The following LARGE1 variants were observed in gnomAD, a reference collection of about 807,000 sequenced individuals.
LARGE1 encodes the protein xylosyl- and glucuronyltransferase LARGE1.
In LARGE1, 43 loss-of-function variants were observed where a neutral mutation model predicts 87.6. That is an observed-to-expected ratio of 0.49 (90% CI 0.38 to 0.63). The LOEUF (loss-of-function observed/expected upper bound fraction) is 0.63, where lower values mean the gene tolerates loss of function less well. Ranked by LOEUF, LARGE1 falls within the 30% of genes least tolerant of loss-of-function variation. LARGE1 has a pLI of 0.00. For missense variants in LARGE1, 802 were observed against 1,000.2 expected, an observed-to-expected ratio of 0.80 and a Z score of 2.67; for synonymous variants, 434 against 394.6, an observed-to-expected ratio of 1.10 and a Z score of -1.18.
chr22:33,189,929 C>T lies in LARGE1; in HGVS notation c.1731-23097G>A, dbSNP rs148486788. 4.1e-4 allele frequency among the ~76,000 whole-genome samples: 63 copies of T among 152,270 alleles called. No individual in the cohort carries two copies. The East Asian group carries it at 9.1e-3, about 22-fold the overall frequency. ...CTTGCTGCATCTAAGCTTTTGATAC[C>T]AGAATTCACAAGAAGTTGTCCAAAG... On this transcript the variant is annotated intron_variant, in intron 11 of 11. Transcript: ENST00000608642.
At chr22:33,644,982 C>T (rs2080561659) in intron 3 of LARGE1, among the ~76,000 whole-genome samples, 1 of 152,148 alleles carries the variant, frequency 6.6e-6, no homozygotes, top group Admixed American at 6.5e-5. Flanking sequence ...GCCATACTGC[C>T]CGAAGTAATT....
At chr22:33,203,949 AC>A (rs200553492) in intron 11 of LARGE1, among the ~76,000 whole-genome samples, 12 of 152,020 alleles carry the variant, frequency 7.9e-5, no homozygotes, top group East Asian at 5.8e-4. Context: ...TCTCCCATGA[AC>A]CCTGGAGGCC....
intron 1 of LARGE1, among the ~76,000 whole-genome samples, chr22:33,800,875 A>G (rs1273967082): frequency 2.6e-5 from 4 of 152,170 alleles, no homozygotes; most frequent in Non-Finnish European, 5.9e-5. Flanking sequence ...TATTTCTATA[A>G]ACACAAGTTT....
chr22:33,904,492 G>T (rs2065378415), intron 1 of LARGE1, among the ~76,000 whole-genome samples: 1 of 152,122 alleles, frequency 6.6e-6, no homozygotes, highest in South Asian at 2.1e-4. Context: ...GGAAAAAGAT[G>T]CTTTCCCTCA....
At chr22:33,890,266 C>T (rs1195260080) in intron 1 of LARGE1, among the ~76,000 whole-genome samples, 1 of 152,200 alleles carries the variant, frequency 6.6e-6, no homozygotes, top group Non-Finnish European at 1.5e-5. Flanking sequence ...GCCTCAGATG[C>T]AAGGCGGGGC....
At chr22:33,751,621 A>G (rs1471300145) in intron 2 of LARGE1, among the ~76,000 whole-genome samples, 3 of 152,144 alleles carry the variant, frequency 2.0e-5, no homozygotes, top group Non-Finnish European at 4.4e-5. Context: ...AATTGGTAAG[A>G]GCCTACATTA....
chr22:33,628,418 G>A lies in LARGE1; in HGVS notation c.409-2092C>T, dbSNP rs2079998173. The stretch of plus-strand genomic sequence containing the variant: ...TGCAACCTCTGCCCCCCAGGTTCAA[G>A]TGATTCTCCTGCCTCAGCCTTCTGA... On this transcript the variant is annotated intron_variant, in intron 3 of 14. Coordinates refer to ENST00000397394, the MANE Select transcript of LARGE1 (RefSeq NM_133642.5). Among the ~76,000 whole-genome samples the A allele has an allele frequency of 2.6e-5, 4 of 151,424 alleles. No homozygotes were observed. The South Asian group carries it at 8.4e-4, about 32-fold the overall frequency.
intron 1 of LARGE1, among the ~76,000 whole-genome samples, chr22:33,803,505 G>A (rs1432898294): frequency 1.3e-5 from 2 of 152,180 alleles, no homozygotes; most frequent in Non-Finnish European, 2.9e-5. Flanking sequence ...CAGAGGAGGT[G>A]AGGTTCAACA....
chr22:33,352,354 A>G (rs181765137), intron 9 of LARGE1, among the ~76,000 whole-genome samples: 1 of 152,372 alleles, frequency 6.6e-6, no homozygotes, highest in African/African-American at 2.4e-5. Context: ...GACTAAGGAA[A>G]TAAAGCTTAA....
chr22:33,643,329 A>G (rs2080503549), intron 3 of LARGE1, among the ~76,000 whole-genome samples: 1 of 152,228 alleles, frequency 6.6e-6, no homozygotes, highest in Admixed American at 6.5e-5. Flanking sequence ...GCAGAAATAA[A>G]TAAGTTCTCT....
intron 1 of LARGE1, among the ~76,000 whole-genome samples, chr22:33,816,983 C>T (rs1351933449): frequency 1.3e-5 from 2 of 152,146 alleles, no homozygotes; most frequent in African/African-American, 2.4e-5. Context: ...AGCTAAGACC[C>T]TGGGAAGTCG....
chr22:33,137,531 A>C, the LARGE1 span, among the ~76,000 whole-genome samples: 1 of 152,220 alleles, frequency 6.6e-6, no homozygotes, highest in African/African-American at 2.4e-5. Flanking sequence ...TGGCTGCAGA[A>C]ATTTGCATAT....
intron 3 of LARGE1, among the ~76,000 whole-genome samples, chr22:33,626,804 T>C (rs2079935455): frequency 6.6e-6 from 1 of 152,118 alleles, no homozygotes; most frequent in African/African-American, 2.4e-5. Flanking sequence ...CAGGAACACC[T>C]CCGCACCCCA....
chr22:33,404,579 GGCTGTCCT>G (rs995406878), intron 7 of LARGE1, among the ~76,000 whole-genome samples: 3 of 152,190 alleles, frequency 2.0e-5, no homozygotes, highest in African/African-American at 7.2e-5. Flanking sequence ...CAAACCCACA[GGCTGTCCT>G]GCTCACAAGG....
Position 33,440,407 on chromosome 22 carries a change from G to C in LARGE1, c.788-8142C>G, listed in dbSNP as rs557096206. ...TTTTCCACCCCCAGAAAAGCTCCTG[G>C]GCACACAGAGGAAGTCTGCCAATCA... is the stretch of plus-strand genomic sequence containing the variant. On this transcript the variant is annotated intron_variant, in intron 6 of 14. Coordinates refer to ENST00000397394, the MANE Select transcript of LARGE1 (RefSeq NM_133642.5). 3.9e-5 allele frequency among the ~76,000 whole-genome samples: 6 copies of C among 152,192 alleles called. No individual in the cohort carries two copies. In the East Asian group the frequency reaches 1.2e-3, roughly 29 times the overall value.
At chr22:33,268,401 GATGA>G (rs1396985200), downstream of LARGE1, among the ~76,000 whole-genome samples, 4 of 149,666 alleles carry the variant, frequency 2.7e-5, no homozygotes, top group African/African-American at 1.0e-4. Flanking sequence ...AACTGAAACT[GATGA>G]ATATCTTAAT....
At chr22:33,494,415 CA>C (rs2070002757) in intron 6 of LARGE1, among the ~76,000 whole-genome samples, 1 of 152,174 alleles carries the variant, frequency 6.6e-6, no homozygotes, top group African/African-American at 2.4e-5. Flanking sequence ...TAAAATATAA[CA>C]AAGATTAATG....
chr22:33,441,650 G>T (rs549141656), intron 6 of LARGE1, among the ~76,000 whole-genome samples: 3 of 151,998 alleles, frequency 2.0e-5, no homozygotes, highest in Non-Finnish European at 4.4e-5. Flanking sequence ...TAGACATGGG[G>T]GTCTCGCTAT....
rs549958406 is a variant in LARGE1, at chr22:33,753,407, C to T, written c.106+7964G>A. ...AAGGAAAGCGGGCAGCCTCAAGAAG[C>T]TTAAAAAGACCAGGAGATGGATTCT... On this transcript the variant is annotated intron_variant, in intron 2 of 14. Coordinates refer to ENST00000397394, the MANE Select transcript of LARGE1 (RefSeq NM_133642.5). 3.5e-4 allele frequency among the ~76,000 whole-genome samples: 53 copies of T among 152,218 alleles called. 1 individual carries two copies. The South Asian group carries it at 9.6e-3, about 27-fold the overall frequency.
Sources: allele counts gnomAD v4.1 joint callset (sites outside exome capture counted in the v4.1 genomes callset), GRCh38; gene constraint gnomAD v4.1.1; transcripts MANE v1.5; gene names NCBI Gene and HGNC (gene_info 2026-07-23, HGNC 2026-07-21).